CALCRL: variants seen among roughly 807,000 people sequenced by gnomAD.
CALCRL encodes calcitonin gene-related peptide type 1 receptor.
Under a neutral mutation model 60.4 loss-of-function variants are expected in CALCRL, and 27 were observed. That is an observed-to-expected ratio of 0.45 (90% confidence interval 0.33 to 0.62). The LOEUF is 0.62. CALCRL is among the 20% of genes least tolerant of loss of function. CALCRL has a pLI of 0.03. For synonymous variants in CALCRL, 190 were observed against 182.6 expected (o/e 1.04, Z -0.33); for missense variants, 424 against 540.7 (o/e 0.78, Z 2.14).
intron 8 of CALCRL, among the ~76,000 whole-genome samples, chr2:187,378,396 T>A (rs1687853792): frequency 6.6e-6 from 1 of 152,152 alleles, no homozygotes; most frequent in Non-Finnish European, 1.5e-5. Context: ...GTTCAAAAAA[T>A]TGGAGCTGAC....
chr2:187,444,818 T>G (rs558922772), intron 1 of CALCRL, among the ~76,000 whole-genome samples: 1 of 151,620 alleles, frequency 6.6e-6, no homozygotes, highest in South Asian at 2.1e-4. Flanking sequence ...TTAAGATTAT[T>G]CAAATAAGGA....
chr2:187,407,218 T>A (rs1005660308), intron 1 of CALCRL, among the ~76,000 whole-genome samples: 2 of 152,104 alleles, frequency 1.3e-5, no homozygotes, highest in African/African-American at 4.8e-5. Context: ...CTTCATAAAG[T>A]TTTTTAATGA....
At chr2:187,351,495 A>G (rs946975434) in intron 14 of CALCRL, among the ~76,000 whole-genome samples, 2 of 151,776 alleles carry the variant, frequency 1.3e-5, no homozygotes, top group Non-Finnish European at 2.9e-5. Context: ...TTTGCCATAA[A>G]GTTGTTTCCA....
intron 1 of CALCRL, among the ~76,000 whole-genome samples, chr2:187,419,732 T>C (rs865872373): frequency 2.6e-5 from 4 of 152,216 alleles, no homozygotes; most frequent in African/African-American, 7.2e-5. Flanking sequence ...GAGCAACTTA[T>C]GTTAACTGAA....
chr2:187,385,509 A>G (rs1688168810), intron 4 of CALCRL, 36 bp downstream of exon 4: 1 of 1,030,954 alleles, frequency 9.7e-7, no homozygotes, highest in South Asian at 1.4e-5. Flanking sequence ...TACTGGAAGC[A>G]ATAACAGACA....
At chr2:187,401,110 G>A (rs1026017489) in intron 1 of CALCRL, among the ~76,000 whole-genome samples, 1 of 151,522 alleles carries the variant, frequency 6.6e-6, no homozygotes, top group African/African-American at 2.4e-5. Context: ...GCCCAAGTAG[G>A]GAACATATTG....
chr2:187,397,453 T>C (rs1688709582), intron 1 of CALCRL, among the ~76,000 whole-genome samples: 1 of 151,646 alleles, frequency 6.6e-6, no homozygotes, highest in African/African-American at 2.4e-5. Flanking sequence ...TTTTATAACA[T>C]TGTAATCAAA....
At chr2:187,371,309 A>AT (rs1687508951) in intron 8 of CALCRL, among the ~76,000 whole-genome samples, 2 of 152,074 alleles carry the variant, frequency 1.3e-5, no homozygotes, top group Non-Finnish European at 2.9e-5. Context: ...AGAATAGGCT[A>AT]TATCTCAGGA....
chr2:187,363,395 G>T lies in CALCRL; in HGVS notation c.608C>A (p.Ala203Asp), dbSNP rs754059432. The T allele has an allele frequency of 6.2e-7, 1 of 1,611,266 alleles. No homozygotes were observed. The highest frequency in any genetic ancestry group is 8.5e-7 in the Non-Finnish European group (1 of 1,178,728). The change falls in exon 9 of 15, where the codon GCC becomes GAC. Residue 203 changes from alanine to aspartate, a missense_variant. Physicochemically the swap from Ala to Asp is moderately radical, Grantham distance 126. Around this residue, in one of 7 missense-constraint regions of CALCRL, gnomAD observed 43 missense variants for 40.9 expected, o/e 1.05. Transcript: ENST00000392370. ...ACTTACAGGATTTGTGGCTACTAAG[G>T]CCTGGTTGTTGGCCACTGCAGTGAG... ...IHLTAVANNQ[A>D]LVATNPVSCK...
At position 187,362,203 on chromosome 2, in the gene CALCRL, T is replaced by C. The variant is rs571519122; in HGVS notation, c.627+1173A>G. 1.9e-3 allele frequency among the ~76,000 whole-genome samples: 293 copies of C among 152,178 alleles called. 1 individual carries two copies. Among genetic ancestry groups the C allele is most frequent in the African/African-American group, 6.7e-3 (279 of 41,576 alleles). On this transcript the variant is annotated intron_variant, in intron 9 of 14. Coordinates refer to ENST00000392370, the MANE Select transcript of CALCRL (RefSeq NM_005795.6). ...AATATATGACAATTTATAATGTGTTTATTAAACACATCTTTGCGTACAAAT... is the reference window on the plus strand; with the variant it reads ...AATATATGACAATTTATAATGTGTTCATTAAACACATCTTTGCGTACAAAT...
At chr2:187,395,591 G>A (rs1297871315) in intron 1 of CALCRL, among the ~76,000 whole-genome samples, 2 of 152,006 alleles carry the variant, frequency 1.3e-5, no homozygotes, top group Non-Finnish European at 2.9e-5. Flanking sequence ...TATTTATTGA[G>A]CATCTACTTT....
intron 1 of CALCRL, among the ~76,000 whole-genome samples, chr2:187,426,837 A>G (rs1690158504): frequency 6.6e-6 from 1 of 152,164 alleles, no homozygotes; most frequent in South Asian, 2.1e-4. Context: ...TTTAAAGTTT[A>G]CACTCAAGAT....
intron 1 of CALCRL, among the ~76,000 whole-genome samples, chr2:187,397,583 G>C (rs1688715156): frequency 6.6e-6 from 1 of 151,500 alleles, no homozygotes; most frequent in South Asian, 2.1e-4. Flanking sequence ...AAGTGCACTT[G>C]TATTGCATGA....
Position 187,389,087 on chromosome 2 carries a change from G to A in CALCRL, c.-292-1331C>T, listed in dbSNP as rs1457218071. ...TCTTCTTCTTTTTTTTTTTTTTTGA[G>A]AAAGAGTCATGCTCTCGCTCTGTAC... On this transcript the variant is annotated intron_variant, in intron 1 of 14. Transcript: ENST00000392370. 8.3e-5 allele frequency among the ~76,000 whole-genome samples: 10 copies of A among 121,018 alleles called. No individual in the cohort carries two copies. In the South Asian group the frequency reaches 1.3e-3, roughly 15 times the overall value. 79.4% of individuals were successfully genotyped at this position (121,018 alleles called of 152,430 possible). A position where few individuals can be genotyped will look rare whatever the true frequency, so the allele number is the denominator to read the frequency against.
At chr2:187,405,943 T>C (rs1040777167) in intron 1 of CALCRL, among the ~76,000 whole-genome samples, 7 of 141,954 alleles carry the variant, frequency 4.9e-5, no homozygotes, top group African/African-American at 1.6e-4. Flanking sequence ...TGTATACCTG[T>C]GTTGTCTGTA....
Position 187,359,090 on chromosome 2 carries a change from G to T in CALCRL, c.882C>A (p.Ile294=). The T allele has an allele frequency of 6.2e-6, 10 of 1,613,158 alleles. No homozygotes were observed. Among genetic ancestry groups the T allele is most frequent in the Non-Finnish European group, 7.6e-6 (9 of 1,179,266 alleles). Reference sequence around the variant, plus strand: ...GTAAAGCAGCACAAATTGGGCCATGGATAATGTAGAGGAGATGGGTATCAG... The same window carrying T: ...GTAAAGCAGCACAAATTGGGCCATGTATAATGTAGAGGAGATGGGTATCAG... ...ISSDTHLLYI[I]HGPICAALLV... Residue 294 remains isoleucine (I), a synonymous_variant, in exon 12 of 15, where the codon ATC becomes ATA. Transcript: ENST00000392370.
chr2:187,355,812 C>T (rs1443943468), intron 12 of CALCRL, among the ~76,000 whole-genome samples: 1 of 152,060 alleles, frequency 6.6e-6, no homozygotes, highest in Non-Finnish European at 1.5e-5. Flanking sequence ...TCTCAGGATA[C>T]AAAATCAATG....
chr2:187,355,716 G>A (rs553317920), intron 12 of CALCRL, among the ~76,000 whole-genome samples: 2 of 152,070 alleles, frequency 1.3e-5, no homozygotes, highest in Admixed American at 1.3e-4. Context: ...CAAATTGTCT[G>A]TTTGCAGATG....
At chr2:187,372,704 A>T (rs1320236811) in intron 8 of CALCRL, among the ~76,000 whole-genome samples, 5 of 152,170 alleles carry the variant, frequency 3.3e-5, no homozygotes, top group African/African-American at 7.2e-5. Context: ...CATACCGAGT[A>T]AGCAAGAATA....
Sources: allele counts gnomAD v4.1 joint callset (sites outside exome capture counted in the v4.1 genomes callset), GRCh38; gene constraint gnomAD v4.1.1; regional missense constraint gnomAD v4.1.1; transcripts MANE v1.5; gene names NCBI Gene and HGNC (gene_info 2026-07-23, HGNC 2026-07-21).